Variants in AGAP1 observed in about 807,000 individuals in gnomAD.
The protein encoded by AGAP1 is arf-GAP with GTPase, ANK repeat and PH domain-containing protein 1.
Under a neutral mutation model 105.3 loss-of-function variants are expected in AGAP1, and 29 were observed. The ratio of observed to expected loss-of-function variants is 0.28; its 90% CI spans 0.21 to 0.38. The LOEUF (loss-of-function observed/expected upper bound fraction) is 0.38, where lower values mean the gene tolerates loss of function less well. Ranked by LOEUF, AGAP1 falls within the 10% of genes least tolerant of loss-of-function variation. The pLI is 1.00. For synonymous variants in AGAP1, 509 were observed against 485.9 expected, an observed-to-expected ratio of 1.05 and a Z score of -0.63; for missense variants, 998 against 1,165.1, an observed-to-expected ratio of 0.86 and a Z score of 2.09.
rs1046892794 is a variant in AGAP1 at position 235,845,958 on chromosome 2, G to A, written c.1051-37387G>A. Reference sequence around the variant, plus strand: ...CACTCACCCTTCAGCTGCAGCCACAGGGTTGAAATCTTTCCCAGGCCCTCC... The same window carrying A: ...CACTCACCCTTCAGCTGCAGCCACAAGGTTGAAATCTTTCCCAGGCCCTCC... On this transcript the variant is annotated intron_variant, in intron 9 of 17. Coordinates refer to ENST00000304032, the MANE Select transcript of AGAP1 (RefSeq NM_001037131.3). The surrounding 1 kb of genome is among the most constrained non-coding windows in gnomAD (Gnocchi z 4.8). Among the ~76,000 whole-genome samples the A allele has an allele frequency of 6.6e-6, 1 of 151,884 alleles. No homozygotes were observed. The highest frequency in any genetic ancestry group is 2.4e-5 in the African/African-American group (1 of 41,332).
chr2:235,501,366 G>A (rs888164558), intron 1 of AGAP1, among the ~76,000 whole-genome samples: 2 of 152,126 alleles, frequency 1.3e-5, no homozygotes, highest in African/African-American at 4.8e-5. Context: ...TTTAGATTGG[G>A]TTCTTCAGTA....
At chr2:235,654,582 A>G (rs555858947) in intron 1 of AGAP1, among the ~76,000 whole-genome samples, 20 of 152,358 alleles carry the variant, frequency 1.3e-4, no homozygotes, top group African/African-American at 4.1e-4. Context: ...AGATGTCCCT[A>G]TGTGTCTGTT....
At chr2:235,647,630 C>G (rs1031670841) in intron 1 of AGAP1, among the ~76,000 whole-genome samples, 1 of 152,124 alleles carries the variant, frequency 6.6e-6, no homozygotes, top group African/African-American at 2.4e-5. Context: ...TCAAATGATC[C>G]TCCTCCCTTG....
At position 236,073,189 on chromosome 2, in the gene AGAP1, G is replaced by T. The variant is rs1280129107; in HGVS notation, c.2114+23908G>T. On this transcript the variant is annotated intron_variant, in intron 16 of 17. Transcript: ENST00000304032. This position sits in a 1 kb window ranked among gnomAD's most constrained non-coding sequence, Gnocchi z 5.4. ...TTTTGTATTTTTTAGTAGAGACGGGGTTTCTCCATATTGGCCAGGCTGGTC... is the reference window on the plus strand; with the variant it reads ...TTTTGTATTTTTTAGTAGAGACGGGTTTTCTCCATATTGGCCAGGCTGGTC... 6.6e-6 allele frequency among the ~76,000 whole-genome samples: 1 copy of T among 151,856 alleles called. No individual in the cohort carries two copies. The highest frequency in any genetic ancestry group is 1.5e-5 in the Non-Finnish European group (1 of 67,952).
rs962551806 is a variant in AGAP1 at position 235,993,885 on chromosome 2, G to C, written c.1645+25262G>C. On this transcript the variant is annotated intron_variant, in intron 13 of 17. Transcript: ENST00000304032. The surrounding 1 kb of genome is among the most constrained non-coding windows in gnomAD (Gnocchi z 5.0). ...AACATTCAGGACGTCCTGAGACCTC[G>C]TCACTTCTGATTTGGGAAAAGTCTG... 1.3e-5 allele frequency among the ~76,000 whole-genome samples: 2 copies of C among 152,068 alleles called. No individual in the cohort carries two copies. The highest frequency in any genetic ancestry group is 2.4e-5 in the African/African-American group (1 of 41,412).
At position 235,750,494 on chromosome 2, in the gene AGAP1, T is replaced by TG; in HGVS notation, c.673+7dup. 6.2e-7 allele frequency: 1 copy of TG among 1,614,050 alleles called. No homozygotes were observed. Among genetic ancestry groups the TG allele is most frequent in the Non-Finnish European group, 8.5e-7 (1 of 1,179,960 alleles). On this transcript the variant is annotated splice_region_variant and intron_variant, in intron 6 of 17. Coordinates refer to ENST00000304032, the MANE Select transcript of AGAP1 (RefSeq NM_001037131.3). This position sits in a 1 kb window ranked among gnomAD's most constrained non-coding sequence, Gnocchi z 5.3. ...GGAGAGGGTCTTCCAGGACGGTAAATGCGCGTGGCTGGGAGTTTAATTTCA... is the reference window on the plus strand; with the variant it reads ...GGAGAGGGTCTTCCAGGACGGTAAATGGCGCGTGGCTGGGAGTTTAATTTCA...
Position 235,674,009 on chromosome 2 carries a change from C to T in AGAP1, c.164-35170C>T, listed in dbSNP as rs899693846. ...TCTTATTTTAAAGCACACACAGGCT[C>T]CTACATACGTGTACCTTTGGTTTGC... On this transcript the variant is annotated intron_variant, in intron 1 of 17. Transcript: ENST00000304032. 2.0e-5 allele frequency among the ~76,000 whole-genome samples: 3 copies of T among 152,204 alleles called. No individual in the cohort carries two copies. The South Asian group carries it at 6.2e-4, about 31-fold the overall frequency.
chr2:235,772,951 G>GT (rs1955575027), intron 6 of AGAP1, among the ~76,000 whole-genome samples: 1 of 145,760 alleles, frequency 6.9e-6, no homozygotes, highest in South Asian at 2.1e-4. Flanking sequence ...CAAGCTGTCT[G>GT]TAGCCACTTT....
Position 235,958,081 on chromosome 2 carries a change from A to C in AGAP1, c.1484-10381A>C, listed in dbSNP as rs976512999. ...TTTTCCTTTTTTTCCATATAGATGC[A>C]TGCTTCTTATGAACATGTTTTAAAG... On this transcript the variant is annotated intron_variant, in intron 12 of 17. Transcript: ENST00000304032. The surrounding 1 kb of genome is among the most constrained non-coding windows in gnomAD (Gnocchi z 4.1). Among the ~76,000 whole-genome samples the C allele has an allele frequency of 2.6e-5, 4 of 152,062 alleles. No individual in the cohort carries two copies. The highest frequency in any genetic ancestry group is 6.6e-5 in the Admixed American group (1 of 15,258).
At chr2:235,834,786 A>G (rs1157561121) in intron 9 of AGAP1, among the ~76,000 whole-genome samples, 1 of 152,162 alleles carries the variant, frequency 6.6e-6, no homozygotes, top group African/African-American at 2.4e-5. Context: ...GGATGTGGAA[A>G]GTGAGGTTGA....
intron 16 of AGAP1, among the ~76,000 whole-genome samples, chr2:236,075,964 CG>C (rs2058626740): frequency 6.6e-6 from 1 of 152,186 alleles, no homozygotes; most frequent in East Asian, 1.9e-4. Context: ...CAGAGGAGGC[CG>C]GGGCAGCGTG....
In AGAP1 at chr2:235,824,641, T is replaced by C. The variant is rs1958969159; in HGVS notation, c.1050+17310T>C. 6.6e-6 allele frequency among the ~76,000 whole-genome samples: 1 copy of C among 152,218 alleles called. No homozygotes were observed. On this transcript the variant is annotated intron_variant, in intron 9 of 17. Transcript: ENST00000304032. This position sits in a 1 kb window ranked among gnomAD's most constrained non-coding sequence, Gnocchi z 5.2. ...TGGTGATTCCCTCGGGTCTGCATGC[T>C]CCTTTTCCCCCTTTTTGTTGTTGCA...
chr2:235,674,384 T>TC (rs1948610140), intron 1 of AGAP1, among the ~76,000 whole-genome samples: 1 of 152,274 alleles, frequency 6.6e-6, no homozygotes, highest in South Asian at 2.1e-4. Context: ...TTGTAGGGGG[T>TC]CCCCTTGCAG....
In AGAP1 at chr2:236,096,465, C is replaced by A. The variant is rs529627630; in HGVS notation, c.2115-23727C>A. 1.2e-3 allele frequency among the ~76,000 whole-genome samples: 188 copies of A among 151,164 alleles called. No individual in the cohort carries two copies. The highest frequency in any genetic ancestry group is 4.4e-3 in the African/African-American group (182 of 41,184). The stretch of plus-strand genomic sequence containing the variant: ...GCAGTGAGCCAAGATCGCACCACTG[C>A]ACTCCAGCCTTGGGGACAGAGTGAG... On this transcript the variant is annotated intron_variant, in intron 16 of 17. Transcript: ENST00000304032. This position sits in a 1 kb window ranked among gnomAD's most constrained non-coding sequence, Gnocchi z 4.4.
chr2:235,658,106 G>A (rs150333509), intron 1 of AGAP1, among the ~76,000 whole-genome samples: 1 of 152,178 alleles, frequency 6.6e-6, no homozygotes, highest in South Asian at 2.1e-4. Context: ...TACAGTGATG[G>A]CTTCAAATGT....
chr2:235,791,692 C>A (rs1956986176), intron 6 of AGAP1, among the ~76,000 whole-genome samples: 1 of 152,078 alleles, frequency 6.6e-6, no homozygotes, highest in Non-Finnish European at 1.5e-5. Context: ...GGATTACAGG[C>A]ACACGCCACA....
rs1431161536 is a variant in AGAP1 at position 235,578,806 on chromosome 2, T to TTTG, written c.163+83959_163+83960insGTT. Reference sequence around the variant, plus strand: ...TCTCAAAAAAAAAAAAAAAATTTTTTTTTTACAATAAGCTATTTAAATAAA... The same window carrying TTTG: ...TCTCAAAAAAAAAAAAAAAATTTTTTTTGTTTTACAATAAGCTATTTAAATAAA... On this transcript the variant is annotated intron_variant, in intron 1 of 17. Coordinates refer to ENST00000304032, the MANE Select transcript of AGAP1 (RefSeq NM_001037131.3). This position sits in a 1 kb window ranked among gnomAD's most constrained non-coding sequence, Gnocchi z 4.9. Among the ~76,000 whole-genome samples, 1 of 151,666 alleles carries TTTG rather than the reference T, an allele frequency of 6.6e-6. No individual in the cohort carries two copies. Among genetic ancestry groups the TTTG allele is most frequent in the Non-Finnish European group, 1.5e-5 (1 of 67,938 alleles).
Position 236,033,595 on chromosome 2 carries a change from G to C in AGAP1, c.1646-2966G>C, listed in dbSNP as rs139387690. On this transcript the variant is annotated intron_variant, in intron 13 of 17. Coordinates refer to ENST00000304032, the MANE Select transcript of AGAP1 (RefSeq NM_001037131.3). The stretch of plus-strand genomic sequence containing the variant: ...CATTGTTTTTATCACTTTGTGTTCA[G>C]TCATCTGCCTGAGTGTGTGCCCGTC... 7.0e-4 allele frequency among the ~76,000 whole-genome samples: 107 copies of C among 152,336 alleles called. 1 individual carries two copies. Among genetic ancestry groups the C allele is most frequent in the African/African-American group, 2.5e-3 (105 of 41,584 alleles).
At chr2:235,899,186 A>G (rs1159270775) in intron 10 of AGAP1, among the ~76,000 whole-genome samples, 3 of 152,176 alleles carry the variant, frequency 2.0e-5, no homozygotes, top group Non-Finnish European at 4.4e-5. Context: ...TATTCACCTC[A>G]GAGGACAGAT....
Sources: gnomAD v4.1 joint callset for allele counts (sites outside exome capture counted in the v4.1 genomes callset) on GRCh38, gnomAD v4.1.1 for gene constraint, Gnocchi (gnomAD v3.1) non-coding constraint, MANE v1.5 for transcripts, NCBI Gene and HGNC (gene_info 2026-07-23, HGNC 2026-07-21) for gene names.